The following RPN1 variants were observed in gnomAD, a reference collection of about 807,000 sequenced individuals.
The protein encoded by RPN1 is dolichyl-diphosphooligosaccharide--protein glycosyltransferase subunit 1.
A neutral mutation model predicts 55.5 loss-of-function variants in RPN1; 12 were observed. The ratio of observed to expected loss-of-function variants is 0.22; its 90% CI spans 0.14 to 0.35. RPN1 has a LOEUF of 0.35. RPN1 is among the 10% of genes least tolerant of loss of function. The probability of loss-of-function intolerance (pLI) is 1.00; values close to 1 mark genes in which losing one functional copy is unlikely to be tolerated. For missense variants in RPN1, 679 were observed against 761.3 expected (o/e 0.89, Z 1.27); for synonymous variants, 317 against 305.9 (o/e 1.04, Z -0.38).
intron 5 of RPN1, among the ~76,000 whole-genome samples, chr3:128,628,466 ACAGGGTCTT>A (rs1376936291): frequency 6.8e-6 from 1 of 146,388 alleles, no homozygotes; most frequent in African/African-American, 2.5e-5. Context: ...TTTTTTAGAG[ACAGGGTCTT>A]GCTCTGTCAC....
chr3:128,625,049 A>G (rs2069588923), intron 8 of RPN1, among the ~76,000 whole-genome samples: 1 of 152,176 alleles, frequency 6.6e-6, no homozygotes, highest in Admixed American at 6.5e-5. Flanking sequence ...TGACCTGAGG[A>G]TAACAGCAGT....
intron 3 of RPN1, among the ~76,000 whole-genome samples, chr3:128,633,610 C>A (rs563612760): frequency 2.6e-5 from 4 of 152,086 alleles, no homozygotes; most frequent in South Asian, 2.1e-4. Flanking sequence ...GTATAATATG[C>A]AGAGATGTAT....
At chr3:128,642,580 C>T (rs2069734142) in intron 2 of RPN1, 2 of 152,002 alleles carry the variant, frequency 1.3e-5, no homozygotes, top group South Asian at 2.1e-4. Flanking sequence ...CCTGTAATCC[C>T]AGCTACTCGG....
At chr3:128,648,298 G>C (rs908887403) in intron 1 of RPN1, among the ~76,000 whole-genome samples, 1 of 152,150 alleles carries the variant, frequency 6.6e-6, no homozygotes. Context: ...CGGAGGCTGA[G>C]GCAGGAGAAT....
chr3:128,625,634 T>C lies in RPN1; in HGVS notation c.1295A>G (p.Lys432Arg). Residue 432 changes from lysine to arginine, a missense_variant, in exon 8 of 10, where the codon AAG (lysine) becomes AGG (arginine). By Grantham distance (26) the Lys-to-Arg change is conservative. Transcript: ENST00000296255. ...QDIVVHYTFNKVLMLQEPLLV... is the reference protein window; with the variant it reads ...QDIVVHYTFNRVLMLQEPLLV... The stretch of plus-strand genomic sequence containing the variant: ...CAGGGGCTCCTGCAGCATGAGCACC[T>C]TGTTGAACGTGTAGTGGACCTGGGA... 6.2e-7 allele frequency: 1 copy of C among 1,614,050 alleles called. No individual in the cohort carries two copies. The highest frequency in any genetic ancestry group is 8.5e-7 in the Non-Finnish European group (1 of 1,180,002).
intron 9 of RPN1, among the ~76,000 whole-genome samples, chr3:128,621,503 C>CG (rs2069559305): frequency 6.6e-6 from 1 of 152,034 alleles, no homozygotes; most frequent in South Asian, 2.1e-4. Context: ...CAAAAACAAA[C>CG]AACAAAAAAA....
At chr3:128,627,529 G>T (rs2069608233) in intron 5 of RPN1, among the ~76,000 whole-genome samples, 1 of 152,184 alleles carries the variant, frequency 6.6e-6, no homozygotes. Flanking sequence ...CCAGTACTTT[G>T]GGAGGCAGAG....
intron 2 of RPN1, among the ~76,000 whole-genome samples, chr3:128,643,856 G>A (rs758862881): frequency 1.3e-5 from 2 of 151,322 alleles, no homozygotes; most frequent in African/African-American, 4.9e-5. Flanking sequence ...CCAGATACTC[G>A]GGAGCCTGAG....
rs201997564 is a variant in RPN1 at position 128,650,753 on chromosome 3, A to C, written c.48T>G (p.Thr16=). 1.7e-4 allele frequency: 268 copies of C among 1,550,346 alleles called. No homozygotes were observed. The highest frequency in any genetic ancestry group is 1.7e-3 in the African/African-American group (125 of 73,282). The change falls in exon 1 of 10, where the codon ACT becomes ACG. Residue 16 remains threonine (T), a synonymous_variant. Transcript: ENST00000296255. ...AGGCGCTGCCCGGCGCCGGGGCCCA[A>C]GTCCCAAGCAACAGGAGCAGAAACA... ...AGLFLLLLLG[T]WAPAPGSASS...
chr3:128,646,542 C>T (rs2712411), intron 1 of RPN1, among the ~76,000 whole-genome samples: 31,093 of 151,824 alleles, frequency 0.2, 3,448 homozygotes, highest in East Asian at 0.41. Flanking sequence ...CAACAATTAG[C>T]TGGGCGTGGT....
At chr3:128,645,451 C>A (rs1378896109) in intron 1 of RPN1, among the ~76,000 whole-genome samples, 1 of 150,568 alleles carries the variant, frequency 6.6e-6, no homozygotes, top group Non-Finnish European at 1.5e-5. Context: ...GCCTGCATAA[C>A]AAGAGCAAAA....
chr3:128,638,024 G>A lies in RPN1; in HGVS notation c.408C>T (p.Thr136=). ...KISVIVETVY[T]HVLHPYPTQI... Reference sequence around the variant, plus strand: ...GGGTTGGATACGGATGAAGCACATGGGTGTAGACTGTTTCCACAATGACTG... The same window carrying A: ...GGGTTGGATACGGATGAAGCACATGAGTGTAGACTGTTTCCACAATGACTG... The change falls in exon 3 of 10, where the codon ACC becomes ACT. Residue 136 remains threonine, a synonymous_variant. Transcript: ENST00000296255. 2 of 1,614,012 alleles carry A rather than the reference G, an allele frequency of 1.2e-6. No individual in the cohort carries two copies. The highest frequency in any genetic ancestry group is 2.2e-5 in the South Asian group (2 of 91,080).
intron 3 of RPN1, among the ~76,000 whole-genome samples, chr3:128,634,770 C>T (rs575793952): frequency 6.8e-4 from 104 of 152,086 alleles, no homozygotes; most frequent in Middle Eastern, 3.4e-3. Flanking sequence ...ACCATGTTGG[C>T]CAGGCTGGTC....
At chr3:128,636,643 T>G (rs1184969383) in intron 3 of RPN1, among the ~76,000 whole-genome samples, 1 of 152,088 alleles carries the variant, frequency 6.6e-6, no homozygotes, top group South Asian at 2.1e-4. Context: ...AGCATTAACC[T>G]CCTGGGCTCA....
intron 4 of RPN1, among the ~76,000 whole-genome samples, chr3:128,630,499 G>A (rs1311340790): frequency 6.6e-6 from 1 of 152,086 alleles, no homozygotes; most frequent in African/African-American, 2.4e-5. Context: ...ATTACTAGGT[G>A]GTAGGGTTAC....
At chr3:128,639,482 A>T (rs2069709085) in intron 2 of RPN1, among the ~76,000 whole-genome samples, 1 of 151,918 alleles carries the variant, frequency 6.6e-6, no homozygotes, top group African/African-American at 2.4e-5. Flanking sequence ...AAATGAATGA[A>T]TGTAAAGAAT....
At chr3:128,648,729 T>C (rs1426455825) in intron 1 of RPN1, among the ~76,000 whole-genome samples, 1 of 152,218 alleles carries the variant, frequency 6.6e-6, no homozygotes, top group East Asian at 1.9e-4. Flanking sequence ...AACTGGTGTC[T>C]TGGACTACAA....
intron 8 of RPN1, among the ~76,000 whole-genome samples, chr3:128,624,231 T>G (rs2069581997): frequency 6.6e-6 from 1 of 152,168 alleles, no homozygotes; most frequent in Admixed American, 6.5e-5. Flanking sequence ...ATGCCTGTAA[T>G]CCCAGCACTT....
chr3:128,629,556 C>T (rs775977741), intron 5 of RPN1, among the ~76,000 whole-genome samples: 51 of 151,654 alleles, frequency 3.4e-4, no homozygotes, highest in Non-Finnish European at 5.6e-4. Context: ...AGTGAGATTC[C>T]GTCTCAAAAA....
Sources: gnomAD v4.1 joint callset for allele counts (sites outside exome capture counted in the v4.1 genomes callset) on GRCh38, gnomAD v4.1.1 for gene constraint, MANE v1.5 for transcripts, NCBI Gene and HGNC (gene_info 2026-07-23, HGNC 2026-07-21) for gene names.